Variants in KLHL29 observed in about 807,000 individuals in gnomAD.
KLHL29 encodes the protein kelch like family member 29.
Under a neutral mutation model 80.4 loss-of-function variants are expected in KLHL29, and 21 were observed. The observed-to-expected ratio is 0.26, with a 90% CI of 0.19 to 0.38. The LOEUF (loss-of-function observed/expected upper bound fraction) is 0.38, where lower values mean the gene tolerates loss of function less well. Ranked by LOEUF, KLHL29 falls within the 10% of genes least tolerant of loss-of-function variation. The pLI is 1.00. For synonymous variants in KLHL29, 511 were observed against 526.8 expected (o/e 0.97, Z 0.41); for missense variants, 867 against 1,223.9 (o/e 0.71, Z 4.35).
intron 8 of KLHL29, among the ~76,000 whole-genome samples, chr2:23,693,859 A>C (rs182941324): frequency 7.0e-4 from 106 of 152,238 alleles, no homozygotes; most frequent in African/African-American, 2.4e-3. Flanking sequence ...TGTTGAGGGG[A>C]TGGACAGCCC....
chr2:23,403,028 C>T (rs1327260968), intron 1 of KLHL29, among the ~76,000 whole-genome samples: 1 of 148,978 alleles, frequency 6.7e-6, no homozygotes, highest in Non-Finnish European at 1.5e-5. Context: ...ATAGTGTACA[C>T]TATAATGTCA....
intron 3 of KLHL29, among the ~76,000 whole-genome samples, chr2:23,598,892 C>T (rs533035191): frequency 3.3e-5 from 5 of 152,202 alleles, no homozygotes; most frequent in Non-Finnish European, 7.3e-5. Context: ...TGGCCCTCTT[C>T]GGCCCCAGAA....
chr2:23,529,125 A>G (rs771695400), intron 2 of KLHL29, among the ~76,000 whole-genome samples: 1 of 152,186 alleles, frequency 6.6e-6, no homozygotes, highest in Non-Finnish European at 1.5e-5. Flanking sequence ...AATTTTTTTT[A>G]GAGACAAGTT....
At chr2:23,555,580 C>G (rs564888050) in intron 2 of KLHL29, among the ~76,000 whole-genome samples, 12 of 152,294 alleles carry the variant, frequency 7.9e-5, no homozygotes, top group Non-Finnish European at 1.0e-4. Context: ...TCCCGAGGAA[C>G]GGGCAGCCTG....
At chr2:23,678,825 G>T (rs1670993143) in intron 5 of KLHL29, among the ~76,000 whole-genome samples, 1 of 152,156 alleles carries the variant, frequency 6.6e-6, no homozygotes, top group Non-Finnish European at 1.5e-5. Flanking sequence ...GACAAATATT[G>T]CATAATTCCA....
chr2:23,470,667 C>G lies in KLHL29; in HGVS notation c.-153-4893C>G, dbSNP rs1006746050. Reference sequence around the variant, plus strand: ...TTCTTTGAATACAGCCTACAAAAAGCATGCCAGGAGCTGCATCCCTACCAG... The same window carrying G: ...TTCTTTGAATACAGCCTACAAAAAGGATGCCAGGAGCTGCATCCCTACCAG... On this transcript the variant is annotated intron_variant, in intron 1 of 13. Transcript: ENST00000486442. 2.0e-5 allele frequency among the ~76,000 whole-genome samples: 3 copies of G among 152,296 alleles called. No individual in the cohort carries two copies. The East Asian group carries it at 5.8e-4, about 29-fold the overall frequency.
intron 1 of KLHL29, among the ~76,000 whole-genome samples, chr2:23,418,873 C>G (rs1239761628): frequency 6.6e-6 from 1 of 152,136 alleles, no homozygotes; most frequent in East Asian, 1.9e-4. Flanking sequence ...CCTGATCCCC[C>G]CTTCCCTGCC....
At chr2:23,578,534 T>G (rs1468720466) in intron 3 of KLHL29, among the ~76,000 whole-genome samples, 3 of 152,226 alleles carry the variant, frequency 2.0e-5, no homozygotes, top group African/African-American at 7.2e-5. Flanking sequence ...GATCTGTTAT[T>G]ATTACCATCG....
chr2:23,509,915 C>T (rs1481771495), intron 2 of KLHL29, among the ~76,000 whole-genome samples: 3 of 152,100 alleles, frequency 2.0e-5, no homozygotes, highest in Admixed American at 2.0e-4. Flanking sequence ...TGTATTGTGG[C>T]GAGTACAAGT....
At chr2:23,535,732 G>A (rs1318479248) in intron 2 of KLHL29, among the ~76,000 whole-genome samples, 1 of 152,202 alleles carries the variant, frequency 6.6e-6, no homozygotes. Context: ...AAGTAGAACG[G>A]TGGGTGCCAG....
chr2:23,465,520 A>C (rs1664324985), intron 1 of KLHL29, among the ~76,000 whole-genome samples: 1 of 152,034 alleles, frequency 6.6e-6, no homozygotes. Context: ...TTTCAGGTGC[A>C]CTCTGCACGA....
intron 11 of KLHL29, among the ~76,000 whole-genome samples, chr2:23,702,618 G>A (rs1019386456): frequency 6.6e-5 from 10 of 152,216 alleles, no homozygotes; most frequent in African/African-American, 1.4e-4. Flanking sequence ...GGGTATCAGC[G>A]CCTCCAGAAA....
intron 1 of KLHL29, among the ~76,000 whole-genome samples, chr2:23,424,265 C>A (rs967590056): frequency 2.0e-5 from 3 of 152,156 alleles, no homozygotes; most frequent in African/African-American, 7.2e-5. Flanking sequence ...ACTTTGGGAG[C>A]CTCTGAGTGT....
chr2:23,453,608 C>T (rs1663953335), intron 1 of KLHL29, among the ~76,000 whole-genome samples: 1 of 152,194 alleles, frequency 6.6e-6, no homozygotes. Flanking sequence ...CTGAGCTCTG[C>T]TTCTCTGGGC....
intron 2 of KLHL29, among the ~76,000 whole-genome samples, chr2:23,530,291 C>G (rs995963942): frequency 3.9e-5 from 6 of 152,104 alleles, no homozygotes; most frequent in African/African-American, 1.4e-4. Flanking sequence ...TCCATGGGCC[C>G]TCCCACGGCT....
intron 5 of KLHL29, among the ~76,000 whole-genome samples, chr2:23,649,398 G>A (rs1399215732): frequency 2.0e-5 from 3 of 152,244 alleles, no homozygotes; most frequent in African/African-American, 7.2e-5. Context: ...CATGGGGCTT[G>A]TTCATCAGTA....
intron 1 of KLHL29, among the ~76,000 whole-genome samples, chr2:23,453,901 G>C (rs1216536080): frequency 6.6e-6 from 1 of 152,086 alleles, no homozygotes; most frequent in Non-Finnish European, 1.5e-5. Flanking sequence ...TAAAAATGGG[G>C]AGGAGGTTTT....
chr2:23,431,641 C>G (rs1042935960), intron 1 of KLHL29, among the ~76,000 whole-genome samples: 3 of 152,126 alleles, frequency 2.0e-5, no homozygotes, highest in Non-Finnish European at 4.4e-5. Context: ...GCCTGTAATC[C>G]CAGCACTTTG....
chr2:23,419,977 C>G (rs1662743147), intron 1 of KLHL29, among the ~76,000 whole-genome samples: 1 of 152,210 alleles, frequency 6.6e-6, no homozygotes, highest in African/African-American at 2.4e-5. Context: ...TAACACATCA[C>G]AAAGGTTAGA....
Sources: gnomAD v4.1 joint callset for allele counts (sites outside exome capture counted in the v4.1 genomes callset) on GRCh38, gnomAD v4.1.1 for gene constraint, MANE v1.5 for transcripts, NCBI Gene and HGNC (gene_info 2026-07-23, HGNC 2026-07-21) for gene names.